The following PTPRT variants were observed in gnomAD, a reference collection of about 807,000 sequenced individuals.
PTPRT encodes the protein protein tyrosine phosphatase receptor type T, also known as receptor-type tyrosine-protein phosphatase T.
PTPRT carries 56 observed loss-of-function variants against 176.8 expected under a neutral mutation model. The observed-to-expected ratio is 0.32, with a 90% CI of 0.26 to 0.40. The LOEUF is 0.40. PTPRT is among the 10% of genes least tolerant of loss of function. PTPRT has a pLI of 1.00. For missense variants in PTPRT, 1,540 were observed against 1,908.2 expected (o/e 0.81, Z 3.60); for synonymous variants, 783 against 739.0 (o/e 1.06, Z -0.96).
intron 7 of PTPRT, among the ~76,000 whole-genome samples, chr20:42,633,784 A>AAT (rs752371452): frequency 0.048 from 2,548 of 53,080 alleles, 49 homozygotes; most frequent in East Asian, 0.067. Context: ...AGACTCTGAA[A>AAT]ATATATATAT....
rs576824756 is a variant in PTPRT at position 42,880,931 on chromosome 20, G to A, written c.214+4876C>T. Among the ~76,000 whole-genome samples the A allele has an allele frequency of 2.7e-3, 408 of 152,332 alleles. 2 individuals carry two copies. Among genetic ancestry groups the A allele is most frequent in the African/African-American group, 9.3e-3 (386 of 41,574 alleles). ...GTGTAACATTCAATTCACAGAGGTG[G>A]GGTGGAGGAAATGTCTAAGCCCTCG... On this transcript the variant is annotated intron_variant, in intron 2 of 30. Transcript: ENST00000373187.
chr20:42,171,462 A>G (rs754544677), intron 16 of PTPRT, among the ~76,000 whole-genome samples: 3 of 152,192 alleles, frequency 2.0e-5, no homozygotes, highest in Non-Finnish European at 4.4e-5. Context: ...ATACATCACT[A>G]GGAATAAAAG....
chr20:42,814,965 T>C (rs2077758782), intron 2 of PTPRT, among the ~76,000 whole-genome samples: 1 of 152,044 alleles, frequency 6.6e-6, no homozygotes, highest in African/African-American at 2.4e-5. Flanking sequence ...GACCAAATGC[T>C]GAGTAAGAAA....
intron 27 of PTPRT, among the ~76,000 whole-genome samples, chr20:42,095,584 C>G (rs1414539384): frequency 6.6e-6 from 1 of 152,218 alleles, no homozygotes; most frequent in South Asian, 2.1e-4. Context: ...CAATGACATT[C>G]TATGTCCCAG....
intron 1 of PTPRT, among the ~76,000 whole-genome samples, chr20:43,085,228 T>C (rs942174559): frequency 6.6e-6 from 1 of 152,188 alleles, no homozygotes; most frequent in African/African-American, 2.4e-5. Flanking sequence ...CAGTGCTTCC[T>C]GGGCCAGCAT....
intron 2 of PTPRT, among the ~76,000 whole-genome samples, chr20:42,873,392 G>C (rs1168537424): frequency 6.6e-6 from 1 of 152,206 alleles, no homozygotes; most frequent in East Asian, 1.9e-4. Flanking sequence ...ACCTGGCACA[G>C]AATGAGTGCT....
chr20:42,644,513 C>T (rs1373552230), intron 7 of PTPRT, among the ~76,000 whole-genome samples: 1 of 152,116 alleles, frequency 6.6e-6, no homozygotes, highest in Non-Finnish European at 1.5e-5. Flanking sequence ...AGGTTAGGCT[C>T]TTACCTGTGC....
At chr20:42,099,753 G>C (rs1985741555) in intron 26 of PTPRT, among the ~76,000 whole-genome samples, 1 of 152,032 alleles carries the variant, frequency 6.6e-6, no homozygotes. Context: ...AGAGGGAAGA[G>C]GGCAAAGACC....
At chr20:42,060,830 A>G in the PTPRT span, among the ~76,000 whole-genome samples, 11 of 152,208 alleles carry the variant, frequency 7.2e-5, no homozygotes, top group Non-Finnish European at 1.3e-4. Context: ...CTTCTGTAGA[A>G]GAAGGTACAT....
At chr20:42,448,191 A>G in intron 9 of PTPRT, 29 bp downstream of exon 9, 1 of 1,526,154 alleles carries the variant, frequency 6.6e-7, no homozygotes, top group Non-Finnish European at 9.1e-7. Context: ...AAGCTAAGCC[A>G]ATGGATGCAG....
chr20:42,636,797 T>C lies in PTPRT; in HGVS notation c.1153+41069A>G, dbSNP rs550291052. 2.4e-3 allele frequency among the ~76,000 whole-genome samples: 364 copies of C among 152,046 alleles called. 2 individuals are homozygous for C. The highest frequency in any genetic ancestry group is 8.4e-3 in the African/African-American group (349 of 41,492). ...GAGACTCCAACTCAAAAATAATTAA[T>C]TAATTAATCAATTAATTAAAATAAA... On this transcript the variant is annotated intron_variant, in intron 7 of 30. Transcript: ENST00000373187.
intron 16 of PTPRT, among the ~76,000 whole-genome samples, chr20:42,183,675 A>G (rs1460031155): frequency 6.6e-6 from 1 of 152,172 alleles, no homozygotes; most frequent in Non-Finnish European, 1.5e-5. Context: ...GCTTGTTACC[A>G]GGATGACCAC....
intron 4 of PTPRT, among the ~76,000 whole-genome samples, chr20:42,773,888 G>C (rs554897012): frequency 6.6e-6 from 1 of 152,160 alleles, no homozygotes; most frequent in Non-Finnish European, 1.5e-5. Flanking sequence ...CTTACCCTTC[G>C]AGAAAATGGT....
At chr20:42,874,371 G>A (rs2078895843) in intron 2 of PTPRT, among the ~76,000 whole-genome samples, 1 of 152,008 alleles carries the variant, frequency 6.6e-6, no homozygotes, top group Non-Finnish European at 1.5e-5. Context: ...TCAACAAACT[G>A]ACAGGATCAA....
At chr20:42,145,432 G>A (rs1403841704) in intron 17 of PTPRT, among the ~76,000 whole-genome samples, 1 of 152,112 alleles carries the variant, frequency 6.6e-6, no homozygotes, top group African/African-American at 2.4e-5. Flanking sequence ...CCCAGGAGGT[G>A]GAGGTTGCAG....
At chr20:43,086,386 C>T (rs2011603665) in intron 1 of PTPRT, among the ~76,000 whole-genome samples, 1 of 152,226 alleles carries the variant, frequency 6.6e-6, no homozygotes, top group Non-Finnish European at 1.5e-5. Flanking sequence ...AAGAATGCAA[C>T]ATTTTACAAA....
chr20:42,238,065 TCTC>T (rs748857877), intron 14 of PTPRT, among the ~76,000 whole-genome samples: 24 of 152,108 alleles, frequency 1.6e-4, no homozygotes, highest in Non-Finnish European at 3.2e-4. Flanking sequence ...CATCATCTCA[TCTC>T]CTCTTCACAG....
intron 16 of PTPRT, among the ~76,000 whole-genome samples, chr20:42,169,836 G>A (rs1395856809): frequency 6.8e-6 from 1 of 146,304 alleles, no homozygotes; most frequent in Admixed American, 6.9e-5. Context: ...CCCCTGTCTT[G>A]TTATTTTCTG....
chr20:42,754,193 A>AT (rs953118384), intron 6 of PTPRT, among the ~76,000 whole-genome samples: 3 of 133,878 alleles, frequency 2.2e-5, no homozygotes, highest in Non-Finnish European at 3.2e-5. Context: ...TTCAAAAAAA[A>AT]TTTTTTTTTT....
Sources: gnomAD v4.1 joint callset for allele counts (sites outside exome capture counted in the v4.1 genomes callset) on GRCh38, gnomAD v4.1.1 for gene constraint, MANE v1.5 for transcripts, NCBI Gene and HGNC (gene_info 2026-07-23, HGNC 2026-07-21) for gene names.